RBM23: variants seen among roughly 807,000 people sequenced by gnomAD.
The protein encoded by RBM23 is RNA binding motif protein 23, also known as probable RNA-binding protein 23.
RBM23 carries 53 observed loss-of-function variants against 56.2 expected under a neutral mutation model. That is an observed-to-expected ratio of 0.94 (90% CI 0.76 to 1.19). The LOEUF is 1.19. RBM23 is among the 50% of genes most tolerant of loss of function. The pLI is 0.00. For synonymous variants in RBM23, 197 were observed against 198.5 expected (o/e 0.99, Z 0.06); for missense variants, 642 against 590.3 (o/e 1.09, Z -0.91).
chr14:22,908,092 C>T (rs1363799433), intron 4 of RBM23, among the ~76,000 whole-genome samples: 1 of 152,134 alleles, frequency 6.6e-6, no homozygotes, highest in African/African-American at 2.4e-5. Context: ...GCAATCTCGG[C>T]TCACTGCAAC....
Position 22,896,035 on chromosome 14 carries a change from A to T in RBM23, c.*5695T>A, listed in dbSNP as rs1435449698. 41 of 152,172 alleles carry T rather than the reference A, an allele frequency of 2.7e-4. No individual in the cohort carries two copies. Among genetic ancestry groups the T allele is most frequent in the Non-Finnish European group, 8.8e-5 (6 of 68,038 alleles). 9.4% of individuals were successfully genotyped at this position (152,172 alleles called of 1,614,324 possible). On this transcript the variant is annotated 3_prime_UTR_variant, in exon 14 of 14. Transcript: ENST00000359890. ...CAGTGCAGGAACAATTTATTTATTT[A>T]AAAATGAAGATTTATTTTCACCATT...
Position 22,900,988 on chromosome 14 carries a change from G to A in RBM23, c.*742C>T, listed in dbSNP as rs7469. ...GCCAAAGGGAGGAAATGGGAGGAAGGACAAGTATACAAAGGAAGATGGAAG... is the reference window on the plus strand; with the variant it reads ...GCCAAAGGGAGGAAATGGGAGGAAGAACAAGTATACAAAGGAAGATGGAAG... On this transcript the variant is annotated 3_prime_UTR_variant, in exon 14 of 14. Transcript: ENST00000359890. The A allele has an allele frequency of 0.15, 22,832 of 151,964 alleles. 2,458 individuals carry two copies. The highest frequency in any genetic ancestry group is 0.29 in the African/African-American group (12,083 of 41,364). 9.4% of individuals were successfully genotyped at this position (151,964 alleles called of 1,614,324 possible).
intron 2 of RBM23, among the ~76,000 whole-genome samples, chr14:22,909,907 C>T (rs1241298298): frequency 6.6e-6 from 1 of 151,964 alleles, no homozygotes; most frequent in African/African-American, 2.4e-5. Context: ...AATCCCAGCA[C>T]TTTTAAAGGC....
At chr14:22,915,656 C>T (rs988232909) in intron 1 of RBM23, among the ~76,000 whole-genome samples, 3 of 152,032 alleles carry the variant, frequency 2.0e-5, no homozygotes, top group Non-Finnish European at 2.9e-5. Context: ...CCACTACGTC[C>T]CACTAATTTT....
At chr14:22,903,323 C>T (rs2040949564) in intron 10 of RBM23, 17 of 985,280 alleles carry the variant, frequency 1.7e-5, no homozygotes, top group Non-Finnish European at 2.0e-5. Context: ...GGTTGTTGAC[C>T]CAAAAGGCAA....
chr14:22,914,121 T>A lies in RBM23; in HGVS notation c.-10-2718A>T, dbSNP rs2043071703. ...GCAGTTTGATCATAAGGTCAAGAGA[T>A]CGAGACCATCCTGGCCAACATGGTG... On this transcript the variant is annotated intron_variant, in intron 1 of 13. Coordinates refer to ENST00000359890, the MANE Select transcript of RBM23 (RefSeq NM_001077351.2). 3 of 149,338 alleles carry A rather than the reference T, an allele frequency of 2.0e-5. No individual in the cohort carries two copies. The Admixed American group carries it at 2.0e-4, about 10-fold the overall frequency. 9.3% of individuals were successfully genotyped at this position (149,338 alleles called of 1,614,324 possible).
At chr14:22,916,259 GTT>G (rs11302423) in intron 1 of RBM23, among the ~76,000 whole-genome samples, 15 of 137,978 alleles carry the variant, frequency 1.1e-4, no homozygotes, top group East Asian at 2.1e-4. Context: ...AGGGAAGAAT[GTT>G]TTTTTTTTTT....
chr14:22,909,963 G>A (rs887094519), intron 2 of RBM23, among the ~76,000 whole-genome samples: 11 of 150,134 alleles, frequency 7.3e-5, no homozygotes, highest in African/African-American at 2.5e-4. Flanking sequence ...GACCAGCCTC[G>A]CCGACATGTC....
intron 10 of RBM23, 71 bp from the exon 11 acceptor site, chr14:22,902,453 C>T: frequency 6.6e-7 from 1 of 1,522,724 alleles, no homozygotes; most frequent in Non-Finnish European, 8.8e-7. Context: ...AGTAACACTC[C>T]CTAGTCCTAC....
rs1013673015 is a variant in RBM23 at position 22,900,209 on chromosome 14, C to A, written c.*1521G>T. 6.6e-6 allele frequency: 1 copy of A among 152,102 alleles called. No individual in the cohort carries two copies. The highest frequency in any genetic ancestry group is 1.5e-5 in the Non-Finnish European group (1 of 68,054). The allele number at this position is 152,102 out of a possible 1,614,324, so 9.4% of individuals were successfully genotyped here. Reference sequence around the variant, plus strand: ...GAGAACCCTGCTGTTATACAAGACCCAAACCCCTTTGGATATTGGATTGGG... The same window carrying A: ...GAGAACCCTGCTGTTATACAAGACCAAAACCCCTTTGGATATTGGATTGGG... On this transcript the variant is annotated 3_prime_UTR_variant, in exon 14 of 14. Coordinates refer to ENST00000359890, the MANE Select transcript of RBM23 (RefSeq NM_001077351.2).
At chr14:22,902,663 G>T in intron 10 of RBM23, 1 of 1,070,032 alleles carries the variant, frequency 9.3e-7, no homozygotes. Flanking sequence ...AGCCTGACAA[G>T]TTATTTCACA....
rs2040552595 is a variant in RBM23 at position 22,901,902 on chromosome 14, G to A, written c.1247-19C>T. ...CTCAGAGCTAGAACAAAGACAGGCA[G>A]AGTGAGTGAGCAAGCACCGCGCACT... On this transcript the variant is annotated intron_variant, in intron 12 of 13. Coordinates refer to ENST00000359890, the MANE Select transcript of RBM23 (RefSeq NM_001077351.2). The A allele has an allele frequency of 1.1e-5, 17 of 1,614,064 alleles. No homozygotes were observed. Among genetic ancestry groups the A allele is most frequent in the Non-Finnish European group, 1.4e-5 (17 of 1,180,038 alleles).
rs1477630884 is a variant in RBM23 at position 22,896,366 on chromosome 14, T to A, written c.*5364A>T. ...CAGAGTGTGACACTCGGCTACAGGGTGGAGGTCCCCTAGCTTGCTTATGCT... is the reference window on the plus strand; with the variant it reads ...CAGAGTGTGACACTCGGCTACAGGGAGGAGGTCCCCTAGCTTGCTTATGCT... On this transcript the variant is annotated 3_prime_UTR_variant, in exon 14 of 14. Transcript: ENST00000359890. The A allele has an allele frequency of 6.6e-6, 1 of 152,170 alleles. No homozygotes were observed. The highest frequency in any genetic ancestry group is 1.5e-5 in the Non-Finnish European group (1 of 68,042). The allele number at this position is 152,170 out of a possible 1,614,324, so 9.4% of individuals were successfully genotyped here. A position where few individuals can be genotyped will look rare whatever the true frequency, so the allele number is the denominator to read the frequency against.
rs1252602954 is a variant in RBM23, at chr14:22,904,967, C to T, written c.772G>A (p.Gly258Ser). The T allele has an allele frequency of 1.2e-6, 2 of 1,614,036 alleles. No individual in the cohort carries two copies. The highest frequency in any genetic ancestry group is 1.7e-5 in the Admixed American group (1 of 59,994). The change falls in exon 9 of 14, where the codon GGC (glycine) becomes AGC (serine). Residue 258 changes from glycine to serine, a missense_variant. Physicochemically the swap from Gly to Ser is moderately conservative, Grantham distance 56 (BLOSUM62 0). Coordinates refer to ENST00000359890, the MANE Select transcript of RBM23 (RefSeq NM_001077351.2). ...LAAMANNLQK[G>S]NGGPMRLYVG... is the part of the protein sequence containing the mutation. ...TAGAGGCGCATTGGTCCACCATTGC[C>T]CTTTTGCAGGTTGTTGGCCATGGCT...
At position 22,911,418 on chromosome 14, in the gene RBM23, T is replaced by C. The variant is rs2042501487; in HGVS notation, c.-10-15A>G. The C allele has an allele frequency of 6.3e-7, 1 of 1,598,204 alleles. No individual in the cohort carries two copies. Among genetic ancestry groups the C allele is most frequent in the South Asian group, 1.1e-5 (1 of 90,476 alleles). On this transcript the variant is annotated splice_polypyrimidine_tract_variant and intron_variant, in intron 1 of 13. Coordinates refer to ENST00000359890, the MANE Select transcript of RBM23 (RefSeq NM_001077351.2). ...TCCTGTCAGATCTGGGGAGAGGATA[T>C]TAATATGTAAGAATCTGTTTTATAT...
chr14:22,903,560 C>T, intron 10 of RBM23: 1 of 986,868 alleles, frequency 1.0e-6, no homozygotes, highest in African/African-American at 1.7e-5. Context: ...TTGAGGTGAG[C>T]AATTCCAATG....
chr14:22,901,693 C>T lies in RBM23; in HGVS notation c.*37G>A. 6.2e-7 allele frequency: 1 copy of T among 1,607,594 alleles called. No individual in the cohort carries two copies. Among genetic ancestry groups the T allele is most frequent in the African/African-American group, 1.3e-5 (1 of 74,872 alleles). The stretch of plus-strand genomic sequence containing the variant: ...AAGAGTAGATGTGAAGTGGCAGGAT[C>T]CAGAGGCACAAGGAGGCAGTATACT... On this transcript the variant is annotated 3_prime_UTR_variant, in exon 14 of 14. Coordinates refer to ENST00000359890, the MANE Select transcript of RBM23 (RefSeq NM_001077351.2).
chr14:22,902,056 G>GGCAGCAGCAGCA lies in RBM23; in HGVS notation c.1158_1169dup (p.Ala390_Ala393dup). On this transcript the variant is annotated inframe_insertion, in exon 12 of 14. Transcript: ENST00000359890. ...GCAAGGCAGCAGCCTGGGCGGCGGC[G>GGCAGCAGCAGCA]GCAGCAGCAGCAGCAGCAGTGCTTG... 6.2e-7 allele frequency: 1 copy of GGCAGCAGCAGCA among 1,605,896 alleles called. No homozygotes were observed. Among genetic ancestry groups the GGCAGCAGCAGCA allele is most frequent in the Non-Finnish European group, 8.5e-7 (1 of 1,175,100 alleles).
rs2040289733 is a variant in RBM23, at chr14:22,898,733, T to TA, written c.*2996_*2997insT. On this transcript the variant is annotated 3_prime_UTR_variant, in exon 14 of 14. Transcript: ENST00000359890. ...GTAGGAAGGCCAAGGTAGCTAGGGA[T>TA]GGAAACATAAGGAAACCAAGCAGAG... The TA allele has an allele frequency of 6.6e-6, 1 of 151,164 alleles. No homozygotes were observed. Among genetic ancestry groups the TA allele is most frequent in the South Asian group, 2.1e-4 (1 of 4,780 alleles). The allele number at this position is 151,164 out of a possible 1,614,324, so 9.4% of individuals were successfully genotyped here. A position where few individuals can be genotyped will look rare whatever the true frequency, so the allele number is the denominator to read the frequency against.
Sources: gnomAD v4.1 joint callset for allele counts (sites outside exome capture counted in the v4.1 genomes callset) on GRCh38, gnomAD v4.1.1 for gene constraint, MANE v1.5 for transcripts, NCBI Gene and HGNC (gene_info 2026-07-23, HGNC 2026-07-21) for gene names.